CNIH3: variants seen among roughly 807,000 people sequenced by gnomAD.
CNIH3 encodes the protein cornichon family AMPA receptor auxiliary protein 3, also known as protein cornichon homolog 3.
A neutral mutation model predicts 24.1 loss-of-function variants in CNIH3; 14 were observed. That is an observed-to-expected ratio of 0.58 (90% CI 0.38 to 0.91). The LOEUF is 0.91. Ranked by LOEUF, CNIH3 falls within the 40% of genes least tolerant of loss-of-function variation. CNIH3 has a pLI of 0.00. For synonymous variants in CNIH3, 68 were observed against 73.8 expected (o/e 0.92, Z 0.40); for missense variants, 178 against 196.8 (o/e 0.90, Z 0.57).
At chr1:224,535,112 T>G (rs1457200675) in intron 2 of CNIH3, among the ~76,000 whole-genome samples, 1 of 152,208 alleles carries the variant, frequency 6.6e-6, no homozygotes, top group Non-Finnish European at 1.5e-5. Flanking sequence ...AAATAAGCAC[T>G]TCACAGATTA....
At position 224,704,439 on chromosome 1, in the gene CNIH3, C is replaced by T. The variant is rs1025612457; in HGVS notation, c.198+19596C>T. ...ACCCAGGGATCCAGAGGCAGGGAGC[C>T]ATCCCCTGAGTCTCATTTAACATTT... On this transcript the variant is annotated intron_variant, in intron 3 of 5. Transcript: ENST00000272133. The surrounding 1 kb of genome is among the most constrained non-coding windows in gnomAD (Gnocchi z 4.2). 4.6e-5 allele frequency among the ~76,000 whole-genome samples: 7 copies of T among 152,140 alleles called. No individual in the cohort carries two copies. The highest frequency in any genetic ancestry group is 1.7e-4 in the African/African-American group (7 of 41,410).
chr1:224,530,595 T>C (rs1212471193), intron 2 of CNIH3, among the ~76,000 whole-genome samples: 4 of 152,078 alleles, frequency 2.6e-5, no homozygotes, highest in African/African-American at 7.2e-5. Context: ...ACATTTCTTT[T>C]TTTTTTCTTT....
intron 1 of CNIH3, among the ~76,000 whole-genome samples, chr1:224,443,092 C>T (rs950321252): frequency 6.6e-6 from 1 of 152,136 alleles, no homozygotes; most frequent in Non-Finnish European, 1.5e-5. Flanking sequence ...CCAAGAAATC[C>T]TTGTTGAAAC....
At chr1:224,625,998 G>C (rs912072309) in intron 1 of CNIH3, among the ~76,000 whole-genome samples, 7 of 152,010 alleles carry the variant, frequency 4.6e-5, no homozygotes, top group Admixed American at 3.3e-4. Context: ...TGACAACTAG[G>C]TGTAGATAGT....
At chr1:224,435,277 C>A in intron 1 of CNIH3, 1 of 936,278 alleles carries the variant, frequency 1.1e-6, no homozygotes, top group Non-Finnish European at 1.3e-6. Flanking sequence ...GTAACCAGGA[C>A]CGAAATCGGG....
At chr1:224,450,778 C>G (rs1007732712) in intron 1 of CNIH3, among the ~76,000 whole-genome samples, 1 of 152,098 alleles carries the variant, frequency 6.6e-6, no homozygotes, top group Non-Finnish European at 1.5e-5. Context: ...GAGCAGACAC[C>G]CCCTCCACAT....
intron 1 of CNIH3, among the ~76,000 whole-genome samples, chr1:224,473,759 G>C (rs1337718406): frequency 6.6e-6 from 1 of 152,074 alleles, no homozygotes; most frequent in Non-Finnish European, 1.5e-5. Context: ...AATCAACAAA[G>C]AAACATTGGA....
chr1:224,668,493 A>G (rs1160896025), intron 1 of CNIH3, among the ~76,000 whole-genome samples: 3 of 152,130 alleles, frequency 2.0e-5, no homozygotes, highest in Admixed American at 6.5e-5. Flanking sequence ...GATGCTTAGT[A>G]AGTATTTTTA....
rs141191519 is a variant in CNIH3, at chr1:224,711,963, G to C, written c.199-18499G>C. On this transcript the variant is annotated intron_variant, in intron 3 of 5. Coordinates refer to ENST00000272133, the MANE Select transcript of CNIH3 (RefSeq NM_152495.2). ...GGCCTTTGATGGTTCCTCACTGCCTGCTGCATCAGGTCCCAACTCCTTAGC... is the reference window on the plus strand; with the variant it reads ...GGCCTTTGATGGTTCCTCACTGCCTCCTGCATCAGGTCCCAACTCCTTAGC... Among the ~76,000 whole-genome samples the C allele has an allele frequency of 1.1e-4, 17 of 152,216 alleles. No individual in the cohort carries two copies. In the East Asian group the frequency reaches 3.3e-3, roughly 29 times the overall value.
chr1:224,503,399 C>A (rs980381891), intron 1 of CNIH3, among the ~76,000 whole-genome samples: 1 of 152,162 alleles, frequency 6.6e-6, no homozygotes, highest in East Asian at 1.9e-4. Context: ...ACCCTCCCCC[C>A]TCTTATTTCC....
rs758825992 is a variant in CNIH3 at position 224,656,418 on chromosome 1, C to T, written c.82-24540C>T. Among the ~76,000 whole-genome samples the T allele has an allele frequency of 2.0e-5, 3 of 152,318 alleles. No individual in the cohort carries two copies. In the South Asian group the frequency reaches 6.2e-4, roughly 32 times the overall value. ...AGAACGATCCTAAGCCTACCAAAAA[C>T]GTCTTCCTGATTCATACATCCCACA... On this transcript the variant is annotated intron_variant, in intron 1 of 5. Transcript: ENST00000272133.
intron 2 of CNIH3, among the ~76,000 whole-genome samples, chr1:224,533,387 C>CT (rs1679156534): frequency 9.7e-6 from 1 of 103,384 alleles, no homozygotes; most frequent in African/African-American, 3.1e-5. Flanking sequence ...GAACCCGTCT[C>CT]AAAAAAAAAA....
chr1:224,606,906 T>C (rs1377365293), intron 3 of CNIH3, among the ~76,000 whole-genome samples: 1 of 152,142 alleles, frequency 6.6e-6, no homozygotes, highest in Non-Finnish European at 1.5e-5. Flanking sequence ...CCCAACCTTG[T>C]GGGGAGCCCC....
chr1:224,526,579 G>T (rs1189308902), intron 2 of CNIH3, among the ~76,000 whole-genome samples: 1 of 152,140 alleles, frequency 6.6e-6, no homozygotes, highest in Admixed American at 6.6e-5. Flanking sequence ...TTGCAATGCA[G>T]CATGTATTTG....
chr1:224,452,295 G>A (rs183631425), intron 1 of CNIH3, among the ~76,000 whole-genome samples: 10 of 151,586 alleles, frequency 6.6e-5, no homozygotes, highest in East Asian at 2.0e-4. Context: ...GATTATAGGC[G>A]CGTACCACCA....
chr1:224,641,973 G>A lies in CNIH3; in HGVS notation c.81+24718G>A, dbSNP rs148784705. 2.4e-4 allele frequency among the ~76,000 whole-genome samples: 36 copies of A among 152,350 alleles called. No homozygotes were observed. In the East Asian group the frequency reaches 6.4e-3, roughly 27 times the overall value. ...AGTTTGCACACTTCAGCATGTGCAT[G>A]TGAATCACCAGAAAACATCTCCAAA... On this transcript the variant is annotated intron_variant, in intron 1 of 5. Transcript: ENST00000272133.
At chr1:224,646,099 C>G (rs1264298504) in intron 1 of CNIH3, among the ~76,000 whole-genome samples, 1 of 152,112 alleles carries the variant, frequency 6.6e-6, no homozygotes, top group African/African-American at 2.4e-5. Context: ...AGGCCCAGTC[C>G]TCGATCTCAC....
chr1:224,514,257 A>G (rs990123737), upstream of CNIH3, among the ~76,000 whole-genome samples: 4 of 152,186 alleles, frequency 2.6e-5, no homozygotes, highest in African/African-American at 9.7e-5. Flanking sequence ...ATTGTTTGCT[A>G]TAAGGGCCTT....
At chr1:224,483,001 T>C (rs1572337650) in intron 1 of CNIH3, among the ~76,000 whole-genome samples, 1 of 152,186 alleles carries the variant, frequency 6.6e-6, no homozygotes, top group Non-Finnish European at 1.5e-5. Flanking sequence ...TGCCCAGTGT[T>C]GGCAGTACTG....
Sources: gnomAD v4.1 joint callset for allele counts (sites outside exome capture counted in the v4.1 genomes callset) on GRCh38, gnomAD v4.1.1 for gene constraint, Gnocchi (gnomAD v3.1) non-coding constraint, MANE v1.5 for transcripts, NCBI Gene and HGNC (gene_info 2026-07-23, HGNC 2026-07-21) for gene names.